The following CPNE8 variants were observed in gnomAD, a reference collection of about 807,000 sequenced individuals.
The protein encoded by CPNE8 is copine-8.
In CPNE8, 45 loss-of-function variants were observed where a neutral mutation model predicts 81.5. The observed-to-expected ratio is 0.55, with a 90% CI of 0.44 to 0.71. CPNE8 has a LOEUF of 0.71. CPNE8 is among the 30% of genes least tolerant of loss of function. The pLI, the probability that CPNE8 is intolerant of heterozygous loss-of-function variation, is 0.00. For missense variants in CPNE8, 594 were observed against 672.1 expected (o/e 0.88, Z 1.28); for synonymous variants, 252 against 226.3 (o/e 1.11, Z -1.02).
chr12:38,675,778 C>G lies in CPNE8; in HGVS notation c.1375-4G>C. On this transcript the variant is annotated splice_polypyrimidine_tract_variant and splice_region_variant and intron_variant, in intron 17 of 19. Transcript: ENST00000331366. The stretch of plus-strand genomic sequence containing the variant: ...TTGACATTGGAAGTTTTGAGGCCTT[C>G]AAAGAGAATATACAATTAGGTTTCA... 6.3e-7 allele frequency: 1 copy of G among 1,581,150 alleles called. No individual in the cohort carries two copies. The highest frequency in any genetic ancestry group is 8.7e-7 in the Non-Finnish European group (1 of 1,150,708).
intron 19 of CPNE8, among the ~76,000 whole-genome samples, chr12:38,660,395 GA>G (rs1938926648): frequency 6.6e-6 from 1 of 152,132 alleles, no homozygotes; most frequent in South Asian, 2.1e-4. Context: ...ATGGTGCTGG[GA>G]AAACTGGCTA....
intron 6 of CPNE8, among the ~76,000 whole-genome samples, chr12:38,817,908 C>T (rs550936911): frequency 6.9e-4 from 105 of 152,260 alleles, no homozygotes; most frequent in African/African-American, 2.4e-3. Context: ...CGGGCGTGAG[C>T]CACTGCGCCT....
chr12:38,742,028 G>C (rs2136796646), intron 10 of CPNE8, among the ~76,000 whole-genome samples: 1 of 152,226 alleles, frequency 6.6e-6, no homozygotes, highest in South Asian at 2.1e-4. Context: ...GAAACAACAG[G>C]TGCTGGAGAG....
At chr12:38,853,936 C>G (rs764607021) in intron 3 of CPNE8, among the ~76,000 whole-genome samples, 10 of 151,982 alleles carry the variant, frequency 6.6e-5, no homozygotes, top group Non-Finnish European at 1.5e-4. Context: ...ACCACCCAGT[C>G]TCACATTCAC....
At chr12:38,782,290 A>G (rs936247297) in intron 6 of CPNE8, among the ~76,000 whole-genome samples, 2 of 152,216 alleles carry the variant, frequency 1.3e-5, no homozygotes, top group African/African-American at 4.8e-5. Flanking sequence ...AAAAGAGACT[A>G]GAATTAAAAC....
At chr12:38,744,157 G>T (rs1027554885) in intron 10 of CPNE8, among the ~76,000 whole-genome samples, 8 of 152,184 alleles carry the variant, frequency 5.3e-5, no homozygotes, top group African/African-American at 1.9e-4. Context: ...GGGAACCAGA[G>T]TAAAACACAG....
At chr12:38,685,825 T>C (rs773097368) in intron 15 of CPNE8, 45 of 383,814 alleles carry the variant, frequency 1.2e-4, no homozygotes, top group Admixed American at 4.2e-4. Context: ...AATAACATGA[T>C]ATAATGTACA....
At chr12:38,752,436 A>G (rs1367858297) in intron 10 of CPNE8, among the ~76,000 whole-genome samples, 2 of 151,970 alleles carry the variant, frequency 1.3e-5, no homozygotes, top group East Asian at 3.9e-4. Flanking sequence ...GCTTCCCAGA[A>G]CCTTCCCCTG....
chr12:38,662,185 G>T (rs988430918), intron 19 of CPNE8, among the ~76,000 whole-genome samples: 8 of 152,202 alleles, frequency 5.3e-5, no homozygotes, highest in Non-Finnish European at 8.8e-5. Context: ...GAAATGAACA[G>T]CATCCAAATT....
chr12:38,765,113 T>C (rs757041440), intron 8 of CPNE8, among the ~76,000 whole-genome samples: 5 of 152,196 alleles, frequency 3.3e-5, no homozygotes, highest in Non-Finnish European at 7.3e-5. Flanking sequence ...AGGCAGTCAT[T>C]TATTGCCTAT....
At chr12:38,668,467 T>C (rs1939106171) in intron 19 of CPNE8, among the ~76,000 whole-genome samples, 1 of 152,218 alleles carries the variant, frequency 6.6e-6, no homozygotes, top group Admixed American at 6.5e-5. Flanking sequence ...ACCTTAATGA[T>C]GTGAGTAATC....
chr12:38,792,777 A>T (rs1484935305), intron 6 of CPNE8, among the ~76,000 whole-genome samples: 2 of 151,822 alleles, frequency 1.3e-5, no homozygotes, highest in Non-Finnish European at 3.0e-5. Flanking sequence ...AACACTATAC[A>T]AAGAAGAGAA....
rs138663402 is a variant in CPNE8, at chr12:38,898,686, A to G, written c.98+6751T>C. 3.2e-3 allele frequency among the ~76,000 whole-genome samples: 480 copies of G among 152,322 alleles called. 7 individuals are homozygous for G. The highest frequency in any genetic ancestry group is 0.011 in the African/African-American group (449 of 41,570). ...AAAGGTAAAGTATGCTAAGAGATGA[A>G]CCAATGTGGACTAAGGTAGAGCCTC... On this transcript the variant is annotated intron_variant, in intron 1 of 19. Transcript: ENST00000331366.
intron 6 of CPNE8, among the ~76,000 whole-genome samples, chr12:38,792,452 T>C (rs1440626901): frequency 6.6e-6 from 1 of 151,052 alleles, no homozygotes; most frequent in African/African-American, 2.4e-5. Flanking sequence ...TATGAACAAC[T>C]GCAGGCCAAG....
At position 38,902,361 on chromosome 12, in the gene CPNE8, AAAG is replaced by A. The variant is rs1183136908; in HGVS notation, c.98+3073_98+3075del. On this transcript the variant is annotated intron_variant, in intron 1 of 19. Transcript: ENST00000331366. ...GAAAGAAAGAAAGAAAGAAAGAAAG[AAAG>A]AAAGAAAGAAAGAAAGAAAAGAAAG... is the stretch of plus-strand genomic sequence containing the variant. Among the ~76,000 whole-genome samples the A allele has an allele frequency of 1.3e-3, 121 of 91,340 alleles. 3 individuals are homozygous for A. Among genetic ancestry groups the A allele is most frequent in the African/African-American group, 2.5e-3 (40 of 15,878 alleles). The allele number at this position is 91,340 out of a possible 152,430, so 59.9% of individuals were successfully genotyped here. A position where few individuals can be genotyped will look rare whatever the true frequency, so the allele number is the denominator to read the frequency against.
At chr12:38,881,104 G>A (rs1944148994) in intron 1 of CPNE8, among the ~76,000 whole-genome samples, 1 of 151,990 alleles carries the variant, frequency 6.6e-6, no homozygotes, top group South Asian at 2.1e-4. Flanking sequence ...CGGCTACTCG[G>A]GAGGCTAAGA....
intron 10 of CPNE8, among the ~76,000 whole-genome samples, chr12:38,734,348 T>C (rs1231876569): frequency 6.6e-6 from 1 of 152,014 alleles, no homozygotes; most frequent in African/African-American, 2.4e-5. Context: ...ATATTAAACA[T>C]ATTAACCTTC....
At chr12:38,663,378 C>CCA (rs1939000155) in intron 19 of CPNE8, among the ~76,000 whole-genome samples, 1 of 151,888 alleles carries the variant, frequency 6.6e-6, no homozygotes, top group Non-Finnish European at 1.5e-5. Context: ...AGAAGGCACA[C>CCA]AAATGGCCAA....
At chr12:38,815,171 G>T (rs991507468) in intron 6 of CPNE8, among the ~76,000 whole-genome samples, 18 of 152,194 alleles carry the variant, frequency 1.2e-4, no homozygotes, top group Middle Eastern at 3.4e-3. Flanking sequence ...GCCACCACTG[G>T]GTCCTGGGCT....
Sources: gnomAD v4.1 joint callset for allele counts (sites outside exome capture counted in the v4.1 genomes callset) on GRCh38, gnomAD v4.1.1 for gene constraint, MANE v1.5 for transcripts, NCBI Gene and HGNC (gene_info 2026-07-23, HGNC 2026-07-21) for gene names.